Variants in SPATA18 observed in about 807,000 individuals in gnomAD.
The protein encoded by SPATA18 is mitochondria-eating protein.
SPATA18 carries 54 observed loss-of-function variants against 68.1 expected under a neutral mutation model. That is an observed-to-expected ratio of 0.79 (90% confidence interval 0.64 to 0.99). The LOEUF (loss-of-function observed/expected upper bound fraction) is 0.99. SPATA18 is among the 50% of genes least tolerant of loss of function. The pLI is 0.00. For missense variants in SPATA18, 724 were observed against 681.1 expected, an observed-to-expected ratio of 1.06 and a Z score of -0.70; for synonymous variants, 242 against 244.8, an observed-to-expected ratio of 0.99 and a Z score of 0.11.
In SPATA18 at chr4:52,076,995, C is replaced by A. The variant is rs973384827; in HGVS notation, c.975C>A (p.Ile325=). Residue 325 remains isoleucine, a synonymous_variant, in exon 7 of 13, where the codon ATC becomes ATA. Coordinates refer to ENST00000295213, the MANE Select transcript of SPATA18 (RefSeq NM_145263.4). ...LDAQCLLRRC[I]DKAETVQRII... is the part of the protein sequence containing the mutation. ...CGCAGTGCCTGCTGCGGCGCTGCAT[C>A]GACAAGGCTGAGACCGTTCAGCGGA... 1 of 1,612,444 alleles carries A rather than the reference C, an allele frequency of 6.2e-7. No homozygotes were observed. Among genetic ancestry groups the A allele is most frequent in the African/African-American group, 1.3e-5 (1 of 74,884 alleles).
At chr4:52,066,004 C>G (rs1739280272) in intron 4 of SPATA18, among the ~76,000 whole-genome samples, 1 of 152,194 alleles carries the variant, frequency 6.6e-6, no homozygotes, top group Non-Finnish European at 1.5e-5. Context: ...GCCACCCCTG[C>G]CCTGGTTCAA....
chr4:52,064,168 G>A (rs961021622), intron 4 of SPATA18, among the ~76,000 whole-genome samples: 1 of 141,110 alleles, frequency 7.1e-6, no homozygotes. Flanking sequence ...TATCACGTAT[G>A]TGTTCCTTCT....
At position 52,094,845 on chromosome 4, in the gene SPATA18, G is replaced by T. The variant is rs769502713; in HGVS notation, c.1610-35G>T. 5 of 1,613,462 alleles carry T rather than the reference G, an allele frequency of 3.1e-6. No individual in the cohort carries two copies. The African/African-American group carries it at 6.7e-5, about 22-fold the overall frequency. On this transcript the variant is annotated intron_variant, in intron 12 of 12. Coordinates refer to ENST00000295213, the MANE Select transcript of SPATA18 (RefSeq NM_145263.4). ...CTTCCAAAAGAAAATCGAAGAAAGT[G>T]ACCATAATAATGAACTGTCTATTTT...
chr4:52,051,742 C>T lies in SPATA18; in HGVS notation c.38C>T (p.Thr13Ile). 6.2e-7 allele frequency: 1 copy of T among 1,614,222 alleles called. No homozygotes were observed. The highest frequency in any genetic ancestry group is 8.5e-7 in the Non-Finnish European group (1 of 1,180,040). Residue 13 changes from threonine to isoleucine, a missense_variant, in exon 1 of 13, where the codon ACT becomes ATT. Thr to Ile is a moderately conservative substitution (Grantham distance 89). Transcript: ENST00000295213. ...CTGAAAAGACTGGTCTCAAACGAAA[C>T]TTTACGAACGTTGCAGGAAAAGCTA... ...ENLKRLVSNETLRTLQEKLDF... is the reference protein window; with the variant it reads ...ENLKRLVSNEILRTLQEKLDF...
intron 6 of SPATA18, among the ~76,000 whole-genome samples, chr4:52,075,785 A>G (rs1349659835): frequency 6.6e-6 from 1 of 152,166 alleles, no homozygotes; most frequent in Non-Finnish European, 1.5e-5. Context: ...TGGGTCAGGG[A>G]CAGCTTCTGC....
At position 52,060,799 on chromosome 4, in the gene SPATA18, G is replaced by T. The variant is rs183444588; in HGVS notation, c.211G>T (p.Val71Leu). 10 of 1,613,986 alleles carry T rather than the reference G, an allele frequency of 6.2e-6. No individual in the cohort carries two copies. Among genetic ancestry groups the T allele is most frequent in the Non-Finnish European group, 8.5e-6 (10 of 1,179,898 alleles). Reference sequence around the variant, plus strand: ...CATTTTAGGAGGACGTAATGATGGTGTGGAAACAATCAAGTCACGCCTTTT... The same window carrying T: ...CATTTTAGGAGGACGTAATGATGGTTTGGAAACAATCAAGTCACGCCTTTT... Reference protein sequence around the residue: ...AAQEGGRNDGVETIKSRLLPW... With the variant: ...AAQEGGRNDGLETIKSRLLPW... Residue 71 changes from valine (V) to leucine (L), a missense_variant, in exon 3 of 13, where the codon GTG becomes TTG. Transcript: ENST00000295213.
chr4:52,056,828 C>T (rs1488676187), intron 1 of SPATA18, among the ~76,000 whole-genome samples: 1 of 152,142 alleles, frequency 6.6e-6, no homozygotes, highest in Non-Finnish European at 1.5e-5. Context: ...ATTTTTGTAA[C>T]ATGCAAAGCA....
chr4:52,060,855 T>C lies in SPATA18; in HGVS notation c.267T>C (p.Ala89=), dbSNP rs755021550. 1 of 1,613,946 alleles carries C rather than the reference T, an allele frequency of 6.2e-7. No individual in the cohort carries two copies. Among genetic ancestry groups the C allele is most frequent in the East Asian group, 2.2e-5 (1 of 44,864 alleles). Residue 89 remains alanine, a synonymous_variant, in exon 3 of 13, where the codon GCT becomes GCC. Transcript: ENST00000295213. ...GGCTGGAGGCTTCCTTTACTGCTGC[T>C]TCCCTGGGAAAATCTGTTGACAGCA... ...LPWLEASFTA[A]SLGKSVDSKV...
chr4:52,088,986 C>T (rs566883135), intron 11 of SPATA18, among the ~76,000 whole-genome samples: 1 of 152,162 alleles, frequency 6.6e-6, no homozygotes, highest in East Asian at 1.9e-4. Context: ...TTCAGGGATT[C>T]GACTTCTTCC....
intron 1 of SPATA18, among the ~76,000 whole-genome samples, chr4:52,054,971 T>C (rs1247938323): frequency 1.3e-5 from 2 of 152,020 alleles, no homozygotes; most frequent in Admixed American, 6.6e-5. Context: ...CTTTATCTTA[T>C]TGCTGTAAAG....
chr4:52,091,956 A>G (rs1741999988), intron 11 of SPATA18, among the ~76,000 whole-genome samples: 2 of 152,198 alleles, frequency 1.3e-5, no homozygotes. Flanking sequence ...GCTGAGCTGC[A>G]GTGTGCTCCA....
rs184430188 is a variant in SPATA18, at chr4:52,083,137, G to A, written c.1479+627G>A. 5,571 of 985,384 alleles carry A rather than the reference G, an allele frequency of 5.7e-3. 21 individuals are homozygous for A. The highest frequency in any genetic ancestry group is 0.025 in the Middle Eastern group (48 of 1,912). The allele number at this position is 985,384 out of a possible 1,614,324, so 61.0% of individuals were successfully genotyped here. ...GTACCGTATGTGAGCATGTGGGTGT[G>A]TACGTGTTGTACTGGGGATTGGGTG... On this transcript the variant is annotated intron_variant, in intron 10 of 12. Transcript: ENST00000295213.
chr4:52,057,851 T>G (rs1738482783), intron 1 of SPATA18, among the ~76,000 whole-genome samples: 1 of 152,216 alleles, frequency 6.6e-6, no homozygotes, highest in Admixed American at 6.5e-5. Flanking sequence ...GATTTAATTC[T>G]AATGCTCCAC....
intron 9 of SPATA18, among the ~76,000 whole-genome samples, chr4:52,080,134 A>G (rs1023342327): frequency 6.6e-6 from 1 of 152,214 alleles, no homozygotes; most frequent in African/African-American, 2.4e-5. Context: ...GAGAGAACTA[A>G]TGAGGACTTG....
intron 5 of SPATA18, among the ~76,000 whole-genome samples, chr4:52,070,880 T>G (rs1206974047): frequency 6.3e-5 from 9 of 143,870 alleles, no homozygotes; most frequent in Non-Finnish European, 1.2e-4. Flanking sequence ...AAAGAGTAAG[T>G]GGGGGGGGGG....
rs201250482 is a variant in SPATA18 at position 52,051,666 on chromosome 4, C to T, written c.-39C>T. On this transcript the variant is annotated 5_prime_UTR_variant, in exon 1 of 13. Transcript: ENST00000295213. ...AGGCCACCGCCTGGTCCCCCCAAGT[C>T]TCCATCGCGCAGCGTGGGGCCGAGA... is the stretch of plus-strand genomic sequence containing the variant. 1.3e-4 allele frequency: 204 copies of T among 1,601,422 alleles called. 1 individual carries two copies. The highest frequency in any genetic ancestry group is 1.9e-5 in the Non-Finnish European group (22 of 1,168,556).
chr4:52,062,139 G>A, intron 3 of SPATA18, 81 bp from the exon 4 acceptor site: 1 of 813,612 alleles, frequency 1.2e-6, no homozygotes, highest in Non-Finnish European at 2.0e-6. Flanking sequence ...CTTTTGAGTT[G>A]GGCTGTTTTT....
intron 5 of SPATA18, among the ~76,000 whole-genome samples, chr4:52,070,165 T>A (rs2109451263): frequency 6.6e-6 from 1 of 151,992 alleles, no homozygotes; most frequent in Admixed American, 6.6e-5. Flanking sequence ...ACTGTTACCA[T>A]TTTACATTCT....
At chr4:52,063,820 G>C (rs1294229111) in intron 4 of SPATA18, among the ~76,000 whole-genome samples, 1 of 152,046 alleles carries the variant, frequency 6.6e-6, no homozygotes, top group Non-Finnish European at 1.5e-5. Flanking sequence ...GTGCTGATGG[G>C]TCCTGAGTTG....
Sources: gnomAD v4.1 joint callset for allele counts (sites outside exome capture counted in the v4.1 genomes callset) on GRCh38, gnomAD v4.1.1 for gene constraint, MANE v1.5 for transcripts, NCBI Gene and HGNC (gene_info 2026-07-23, HGNC 2026-07-21) for gene names.